Variants in CTBP1 observed in about 807,000 individuals in gnomAD.
CTBP1 encodes the protein C-terminal binding protein 1, also known as C-terminal-binding protein 1.
Under a neutral mutation model 42.1 loss-of-function variants are expected in CTBP1, and 11 were observed. That is an observed-to-expected ratio of 0.26 (90% CI 0.16 to 0.43). The LOEUF is 0.43. Ranked by LOEUF, CTBP1 falls within the 20% of genes least tolerant of loss-of-function variation. The probability of loss-of-function intolerance (pLI) is 1.00; values close to 1 mark genes in which losing one functional copy is unlikely to be tolerated. For synonymous variants in CTBP1, 324 were observed against 277.1 expected, an observed-to-expected ratio of 1.17 and a Z score of -1.68; for missense variants, 399 against 624.3, an observed-to-expected ratio of 0.64 and a Z score of 3.85.
chr4:1,214,237 T>C, intron 7 of CTBP1, 106 bp downstream of exon 7: 1 of 1,358,350 alleles, frequency 7.4e-7, no homozygotes, highest in Non-Finnish European at 9.6e-7. Flanking sequence ...GCGAGAGGCC[T>C]GAGTACAGGC....
At chr4:1,249,491 C>CGCCGCAGCGGCAGCCGCA (rs1553852818), upstream of CTBP1, 3 of 157,752 alleles carry the variant, frequency 1.9e-5, no homozygotes, top group Non-Finnish European at 2.7e-5. Flanking sequence ...CGCTCCTCCG[C>CGCCGCAGCGGCAGCCGCA]GCCGCAGCCG....
At chr4:1,227,711 T>C (rs559765815) in intron 4 of CTBP1, among the ~76,000 whole-genome samples, 126 of 151,990 alleles carry the variant, frequency 8.3e-4, no homozygotes, top group Non-Finnish European at 1.4e-3. Context: ...GATGCAGATG[T>C]GCGTGTTCCG....
intron 1 of CTBP1, chr4:1,244,730 C>G: frequency 1.0e-6 from 1 of 985,284 alleles, no homozygotes; most frequent in Non-Finnish European, 1.2e-6. Flanking sequence ...GCCCTGATTA[C>G]TCCGGGCTCG....
chr4:1,237,930 C>T (rs1157718027), intron 3 of CTBP1: 7 of 703,160 alleles, frequency 1.0e-5, no homozygotes, highest in Admixed American at 4.0e-5. Context: ...TGGTGTCCAC[C>T]TCCTGATGGG....
chr4:1,241,750 C>T lies in CTBP1; in HGVS notation c.-188-231G>A, dbSNP rs1335512177. On this transcript the variant is annotated intron_variant, in intron 1 of 9. Transcript: ENST00000382952. ...TGCAGTGCCAGGCCCGAGGCCGCGC[C>T]CCTGTGGCCCCGAGGCCTACTCCTG... 3 of 1,195,498 alleles carry T rather than the reference C, an allele frequency of 2.5e-6. No individual in the cohort carries two copies. In the African/African-American group the frequency reaches 4.8e-5, roughly 19 times the overall value. The allele number at this position is 1,195,498 out of a possible 1,614,324, so 74.1% of individuals were successfully genotyped here.
intron 1 of CTBP1, chr4:1,243,217 G>A (rs1732365168): frequency 2.0e-6 from 2 of 985,392 alleles, no homozygotes; most frequent in Non-Finnish European, 2.4e-6. Flanking sequence ...GCTGCTCAAT[G>A]CTTATCTATA....
At chr4:1,226,241 T>C (rs1385144921) in intron 4 of CTBP1, among the ~76,000 whole-genome samples, 1 of 152,000 alleles carries the variant, frequency 6.6e-6, no homozygotes, top group Admixed American at 6.5e-5. Flanking sequence ...TGAGCCTATT[T>C]ACCCTCATCC....
At chr4:1,226,281 G>A (rs1391734534) in intron 4 of CTBP1, among the ~76,000 whole-genome samples, 11 of 152,072 alleles carry the variant, frequency 7.2e-5, no homozygotes, top group African/African-American at 2.7e-4. Context: ...GGCCGCCCCT[G>A]CACGGCACTT....
rs1228030812 is a variant in CTBP1 at position 1,233,889 on chromosome 4, G to A, written c.162+4294C>T. Among the ~76,000 whole-genome samples the A allele has an allele frequency of 2.3e-4, 35 of 152,236 alleles. No individual in the cohort carries two copies. Among genetic ancestry groups the A allele is most frequent in the Admixed American group, 2.2e-3 (34 of 15,292 alleles). On this transcript the variant is annotated intron_variant, in intron 3 of 9. Transcript: ENST00000382952. This position sits in a 1 kb window ranked among gnomAD's most constrained non-coding sequence, Gnocchi z 4.6. Reference sequence around the variant, plus strand: ...AAGCAGGTGTTCAGTTTCCTCCCACGCCAAAGCCTGGAGACAGGGAGCCTG... The same window carrying A: ...AAGCAGGTGTTCAGTTTCCTCCCACACCAAAGCCTGGAGACAGGGAGCCTG...
intron 1 of CTBP1, chr4:1,242,652 G>C: frequency 1.0e-6 from 1 of 985,460 alleles, no homozygotes. Context: ...CCTCATGGCA[G>C]GTGCTGTGTG....
chr4:1,247,509 C>T (rs971241273), intron 1 of CTBP1, among the ~76,000 whole-genome samples: 1 of 152,106 alleles, frequency 6.6e-6, no homozygotes, highest in Non-Finnish European at 1.5e-5. Context: ...CAGAGCCACG[C>T]CCTACAAAGT....
chr4:1,216,290 T>C, intron 5 of CTBP1, 85 bp from the exon 6 acceptor site: 4 of 1,337,442 alleles, frequency 3.0e-6, no homozygotes, highest in Non-Finnish European at 4.1e-6. Flanking sequence ...GAGTGGCCTC[T>C]GTGCCTCAGT....
intron 1 of CTBP1, chr4:1,242,016 C>T (rs1181529896): frequency 2.0e-6 from 2 of 1,000,456 alleles, no homozygotes; most frequent in East Asian, 2.1e-4. Context: ...GCTGGCTTTC[C>T]AGCATCCAGC....
chr4:1,228,775 T>C (rs1732110), intron 3 of CTBP1, among the ~76,000 whole-genome samples: 118,385 of 151,952 alleles, frequency 0.78, 47,154 homozygotes, highest in South Asian at 0.89. Flanking sequence ...CTGGGTGGGG[T>C]GGCCAGGGAA....
At chr4:1,224,193 A>G (rs34490749) in intron 5 of CTBP1, among the ~76,000 whole-genome samples, 58,268 of 152,094 alleles carry the variant, frequency 0.38, 12,086 homozygotes, top group South Asian at 0.5. Context: ...GACTGACATC[A>G]ATGTGTGTCC....
chr4:1,248,702 C>G, intron 1 of CTBP1: 1 of 982,208 alleles, frequency 1.0e-6, no homozygotes, highest in South Asian at 4.7e-5. Context: ...GCGGCGCTCG[C>G]GCACACGCAG....
At chr4:1,216,950 C>T (rs1337733079) in intron 5 of CTBP1, 1 of 152,608 alleles carries the variant, frequency 6.6e-6, no homozygotes, top group Non-Finnish European at 1.5e-5. Context: ...TCCTGCATTG[C>T]CTCAGAGGGA....
At chr4:1,230,730 G>C (rs746094013) in intron 3 of CTBP1, among the ~76,000 whole-genome samples, 3 of 152,362 alleles carry the variant, frequency 2.0e-5, no homozygotes, top group Admixed American at 1.3e-4. Flanking sequence ...CCGCACATTC[G>C]GAGGAGACAG....
At position 1,225,549 on chromosome 4, in the gene CTBP1, C is replaced by T. The variant is rs773539612; in HGVS notation, c.325G>A (p.Val109Met). The T allele has an allele frequency of 4.2e-5, 64 of 1,541,418 alleles. No homozygotes were observed. The highest frequency in any genetic ancestry group is 4.9e-5 in the East Asian group (2 of 40,916). The part of the protein sequence containing the change: ...AGDLGIAVCN[V>M]PAASVEETAD... ...GTCTCCTCCACAGACGCCGCGGGCA[C>T]GTTGCAGACGGCAATGCCTGTGGGG... Residue 109 changes from valine (V) to methionine (M), a missense_variant, in exon 5 of 10, where the codon GTG (valine) becomes ATG (methionine). Val to Met is a conservative substitution (Grantham distance 21). Around this residue, in one of 4 missense-constraint regions of CTBP1, gnomAD observed 309 missense variants for 497.5 expected, o/e 0.62. Transcript: ENST00000382952.
Sources: gnomAD v4.1 joint callset for allele counts (sites outside exome capture counted in the v4.1 genomes callset) on GRCh38, gnomAD v4.1.1 for gene constraint, gnomAD v4.1.1 regional missense constraint, Gnocchi (gnomAD v3.1) non-coding constraint, MANE v1.5 for transcripts, NCBI Gene and HGNC (gene_info 2026-07-23, HGNC 2026-07-21) for gene names.